SORBS2: variants seen among roughly 807,000 people sequenced by gnomAD.
SORBS2 encodes the protein sorbin and SH3 domain containing 2.
A neutral mutation model predicts 97.7 loss-of-function variants in SORBS2; 46 were observed. That is an observed-to-expected ratio of 0.47 (90% CI 0.37 to 0.60). SORBS2 has a LOEUF of 0.60. SORBS2 is among the 20% of genes least tolerant of loss of function. SORBS2 has a pLI of 0.00. For synonymous variants in SORBS2, 476 were observed against 473.4 expected, an observed-to-expected ratio of 1.01 and a Z score of -0.07; for missense variants, 1,316 against 1,282.3, an observed-to-expected ratio of 1.03 and a Z score of -0.40.
At chr4:185,637,545 G>A (rs1192035099) in intron 4 of SORBS2, among the ~76,000 whole-genome samples, 1 of 152,112 alleles carries the variant, frequency 6.6e-6, no homozygotes, top group African/African-American at 2.4e-5. Flanking sequence ...TCTTTAACAG[G>A]CTCTGCGTTT....
chr4:185,717,343 T>C (rs902984756), intron 2 of SORBS2, among the ~76,000 whole-genome samples: 2 of 152,204 alleles, frequency 1.3e-5, no homozygotes. Context: ...TTACTTCCTG[T>C]GAGATATTGT....
chr4:185,841,117 A>T (rs1171382330), intron 1 of SORBS2, among the ~76,000 whole-genome samples: 1 of 152,214 alleles, frequency 6.6e-6, no homozygotes, highest in African/African-American at 2.4e-5. Context: ...AAGAACAAAG[A>T]TGTTAAAGGC....
intron 2 of SORBS2, among the ~76,000 whole-genome samples, chr4:185,713,194 G>T (rs2098438395): frequency 6.6e-6 from 1 of 152,066 alleles, no homozygotes; most frequent in Non-Finnish European, 1.5e-5. Context: ...CTCTAATGAG[G>T]CTGGCTACCT....
intron 1 of SORBS2, among the ~76,000 whole-genome samples, chr4:185,805,117 T>C (rs1159513733): frequency 6.6e-6 from 1 of 152,182 alleles, no homozygotes. Context: ...CAGTTTTTCT[T>C]ATCTTCTGAA....
chr4:185,591,368 G>T (rs2095929913), intron 13 of SORBS2, among the ~76,000 whole-genome samples: 1 of 152,174 alleles, frequency 6.6e-6, no homozygotes, highest in South Asian at 2.1e-4. Context: ...TGAGAGAGGG[G>T]TTTGTGATTA....
intron 1 of SORBS2, among the ~76,000 whole-genome samples, chr4:185,914,052 C>G (rs1447399543): frequency 1.3e-5 from 2 of 152,006 alleles, no homozygotes; most frequent in African/African-American, 2.4e-5. Flanking sequence ...TTTTGAGTAC[C>G]AAAACAAGTA....
intron 1 of SORBS2, among the ~76,000 whole-genome samples, chr4:185,825,761 T>C (rs890411920): frequency 6.6e-6 from 1 of 152,202 alleles, no homozygotes; most frequent in Non-Finnish European, 1.5e-5. Flanking sequence ...GCAATACCAC[T>C]TGAACATCTA....
chr4:185,940,821 A>C (rs1210581644), intron 1 of SORBS2, among the ~76,000 whole-genome samples: 1 of 152,184 alleles, frequency 6.6e-6, no homozygotes, highest in Non-Finnish European at 1.5e-5. Context: ...TTCTTTGAGG[A>C]GTCCTATATT....
At chr4:185,694,487 C>T (rs2098142135) in intron 2 of SORBS2, among the ~76,000 whole-genome samples, 1 of 152,076 alleles carries the variant, frequency 6.6e-6, no homozygotes, top group Non-Finnish European at 1.5e-5. Flanking sequence ...TTACTTTTGT[C>T]AAAGTTTCAT....
rs1472011042 is a variant in SORBS2 at position 185,633,468 on chromosome 4, G to GTT, written c.397-2872_397-2871dup. Among the ~76,000 whole-genome samples the GTT allele has an allele frequency of 3.6e-3, 529 of 147,568 alleles. 4 individuals are homozygous for GTT. The highest frequency in any genetic ancestry group is 0.012 in the African/African-American group (496 of 40,050). On this transcript the variant is annotated intron_variant, in intron 4 of 14. Transcript: ENST00000418609. Reference sequence around the variant, plus strand: ...ACTACTGGCAAAGTGCTTTTTATGTGTTGTTTTTTTTTTTTTGCCACTACC... The same window carrying GTT: ...ACTACTGGCAAAGTGCTTTTTATGTGTTTTGTTTTTTTTTTTTTGCCACTACC...
chr4:185,820,400 T>C (rs1006075021), intron 1 of SORBS2, among the ~76,000 whole-genome samples: 3 of 152,232 alleles, frequency 2.0e-5, no homozygotes, highest in African/African-American at 7.2e-5. Context: ...ACCAGTTTCC[T>C]ATTCTCTCGG....
chr4:185,761,758 CAGCAGTG>C (rs1227997313), intron 2 of SORBS2, among the ~76,000 whole-genome samples: 2 of 152,156 alleles, frequency 1.3e-5, no homozygotes, highest in South Asian at 4.1e-4. Flanking sequence ...GTTCCATGCC[CAGCAGTG>C]AGCCACACCC....
rs568639517 is a variant in SORBS2 at position 185,872,392 on chromosome 4, T to C, written c.-338+83804A>G. On this transcript the variant is annotated intron_variant, in intron 1 of 20. Coordinates refer to the SORBS2 transcript ENST00000284776. The stretch of plus-strand genomic sequence containing the variant: ...TAGCCTTAGCTTCCATTTTCCTCCA[T>C]CTGTACAAGGGGGATACTAACACCT... Among the ~76,000 whole-genome samples the C allele has an allele frequency of 2.6e-5, 4 of 152,278 alleles. No individual in the cohort carries two copies. The East Asian group carries it at 5.8e-4, about 22-fold the overall frequency.
At chr4:185,790,584 A>T (rs1364008367) in intron 1 of SORBS2, among the ~76,000 whole-genome samples, 1 of 152,200 alleles carries the variant, frequency 6.6e-6, no homozygotes, top group African/African-American at 2.4e-5. Flanking sequence ...GAGCCAAGAA[A>T]TCTATGAACT....
chr4:185,704,416 T>A (rs1348478154), intron 2 of SORBS2, among the ~76,000 whole-genome samples: 1 of 151,464 alleles, frequency 6.6e-6, no homozygotes, highest in Non-Finnish European at 1.5e-5. Context: ...CCTCCCAGGT[T>A]CAAGCTCTTC....
intron 4 of SORBS2, chr4:185,677,198 C>A (rs763189541): frequency 1.9e-6 from 3 of 1,551,608 alleles, no homozygotes; most frequent in Non-Finnish European, 2.6e-6. Flanking sequence ...GTGAGCGGGG[C>A]CTTTTGAGAA....
intron 1 of SORBS2, among the ~76,000 whole-genome samples, chr4:185,856,697 A>T (rs781012982): frequency 2.0e-5 from 3 of 152,200 alleles, no homozygotes; most frequent in African/African-American, 4.8e-5. Flanking sequence ...GCCTTTGGGA[A>T]GTATATTAGT....
chr4:185,686,686 AAG>A (rs2097966516), intron 2 of SORBS2, among the ~76,000 whole-genome samples: 1 of 152,244 alleles, frequency 6.6e-6, no homozygotes, highest in South Asian at 2.1e-4. Context: ...ACATCACTCT[AAG>A]AGTGATTTTA....
At chr4:185,781,523 G>A (rs528232516) in intron 1 of SORBS2, among the ~76,000 whole-genome samples, 171 of 151,454 alleles carry the variant, frequency 1.1e-3, no homozygotes, top group South Asian at 2.9e-3. Context: ...ATTGCCTCCC[G>A]CCTCTCCAGC....
Sources: allele counts gnomAD v4.1 joint callset (sites outside exome capture counted in the v4.1 genomes callset), GRCh38; gene constraint gnomAD v4.1.1; transcripts MANE v1.5; gene names NCBI Gene and HGNC (gene_info 2026-07-23, HGNC 2026-07-21).